Variants in U2SURP observed in about 807,000 individuals in gnomAD.
U2SURP encodes the protein U2 snRNP associated SURP domain containing.
U2SURP carries 9 observed loss-of-function variants against 144.9 expected under a neutral mutation model. That is an observed-to-expected ratio of 0.06 (90% CI 0.04 to 0.11). The LOEUF (loss-of-function observed/expected upper bound fraction) is 0.11, where lower values mean the gene tolerates loss of function less well. Among genes scored for constraint, U2SURP ranks in the 10% least tolerant of loss-of-function variants. The pLI, the probability that U2SURP is intolerant of heterozygous loss-of-function variation, is 1.00. For synonymous variants in U2SURP, 408 were observed against 396.8 expected, an observed-to-expected ratio of 1.03 and a Z score of -0.33; for missense variants, 724 against 1,226.7, an observed-to-expected ratio of 0.59 and a Z score of 6.12.
chr3:143,038,248 C>A, intron 22 of U2SURP, 45 bp downstream of exon 22: 1 of 1,370,940 alleles, frequency 7.3e-7, no homozygotes, highest in Non-Finnish European at 9.9e-7. Flanking sequence ...AGTACTTGTA[C>A]GTTAATTATT....
intron 25 of U2SURP, among the ~76,000 whole-genome samples, chr3:143,051,323 C>T (rs570101114): frequency 3.3e-5 from 5 of 152,218 alleles, no homozygotes; most frequent in African/African-American, 1.2e-4. Context: ...CTGGAAAACC[C>T]TTCAGGACAA....
At chr3:143,012,021 C>A in intron 2 of U2SURP, 1 of 697,580 alleles carries the variant, frequency 1.4e-6, no homozygotes, top group African/African-American at 1.8e-5. Context: ...AAAATTCAAG[C>A]TTGTGAGTTA....
chr3:143,019,620 C>A (rs1260482453), intron 6 of U2SURP, among the ~76,000 whole-genome samples: 1 of 152,130 alleles, frequency 6.6e-6, no homozygotes, highest in Admixed American at 6.5e-5. Flanking sequence ...AAAGAGGATT[C>A]CAAAGATGTT....
intron 24 of U2SURP, among the ~76,000 whole-genome samples, chr3:143,044,032 T>C (rs907496717): frequency 2.6e-5 from 4 of 152,024 alleles, no homozygotes; most frequent in African/African-American, 9.7e-5. Flanking sequence ...GGATTACAGG[T>C]GTCAGCCACC....
chr3:143,053,464 T>C lies in U2SURP; in HGVS notation c.2656-212T>C, dbSNP rs139030260. Among the ~76,000 whole-genome samples the C allele has an allele frequency of 1.3e-3, 194 of 152,282 alleles. 1 individual carries two copies. Among genetic ancestry groups the C allele is most frequent in the African/African-American group, 4.5e-3 (187 of 41,566 alleles). ...CTGTGGTAAGCACTCAGTAAATGTATAGCTGCTGTTGCTAGGATTAGTTTT... is the reference window on the plus strand; with the variant it reads ...CTGTGGTAAGCACTCAGTAAATGTACAGCTGCTGTTGCTAGGATTAGTTTT... On this transcript the variant is annotated intron_variant, in intron 25 of 27. Coordinates refer to ENST00000473835, the MANE Select transcript of U2SURP (RefSeq NM_001080415.2).
At chr3:143,030,223 G>A (rs1482729687) in intron 16 of U2SURP, among the ~76,000 whole-genome samples, 1 of 152,206 alleles carries the variant, frequency 6.6e-6, no homozygotes, top group African/African-American at 2.4e-5. Flanking sequence ...CTAGAGAGGG[G>A]AAGTCACTGC....
At chr3:143,054,596 T>A (rs948691656) in intron 26 of U2SURP, among the ~76,000 whole-genome samples, 3 of 152,228 alleles carry the variant, frequency 2.0e-5, no homozygotes, top group African/African-American at 7.2e-5. Context: ...TCCAACCATT[T>A]AAGAATAATT....
rs140962527 is a variant in U2SURP, at chr3:143,045,163, G to C, written c.2544+1887G>C. Reference sequence around the variant, plus strand: ...AGGCGGGTGGATCACGAGGTCAGGAGATCGAGAATATCCTGGCTAACACGG... The same window carrying C: ...AGGCGGGTGGATCACGAGGTCAGGACATCGAGAATATCCTGGCTAACACGG... On this transcript the variant is annotated intron_variant, in intron 24 of 27. Transcript: ENST00000473835. 1.5e-3 allele frequency among the ~76,000 whole-genome samples: 225 copies of C among 152,132 alleles called. 5 individuals carry two copies. In the East Asian group the frequency reaches 0.015, roughly 10 times the overall value.
At chr3:143,006,595 A>T (rs1392452017) in intron 1 of U2SURP, among the ~76,000 whole-genome samples, 1 of 152,200 alleles carries the variant, frequency 6.6e-6, no homozygotes, top group Non-Finnish European at 1.5e-5. Context: ...ATCTCTGCTG[A>T]AAATACAAAA....
At chr3:143,041,090 C>T (rs1188331334) in intron 23 of U2SURP, among the ~76,000 whole-genome samples, 1 of 151,742 alleles carries the variant, frequency 6.6e-6, no homozygotes, top group Non-Finnish European at 1.5e-5. Flanking sequence ...AAAAATTTTA[C>T]AGGCTAGAAT....
chr3:143,008,286 A>G (rs931479886), intron 1 of U2SURP, among the ~76,000 whole-genome samples: 1 of 152,260 alleles, frequency 6.6e-6, no homozygotes, highest in East Asian at 1.9e-4. Flanking sequence ...AGTTAACTAT[A>G]TGGAAATAGG....
chr3:143,032,314 G>T (rs370918978), intron 16 of U2SURP, among the ~76,000 whole-genome samples: 1 of 152,066 alleles, frequency 6.6e-6, no homozygotes, highest in Non-Finnish European at 1.5e-5. Context: ...CTTGTGATCC[G>T]CCTACCTTGG....
chr3:143,002,645 A>T (rs557879875), intron 1 of U2SURP, among the ~76,000 whole-genome samples: 1 of 152,336 alleles, frequency 6.6e-6, no homozygotes, highest in South Asian at 2.1e-4. Context: ...AGAGTGTGTG[A>T]CTGTAAATCG....
At chr3:143,039,428 A>G (rs1389958376) in intron 23 of U2SURP, among the ~76,000 whole-genome samples, 3 of 151,894 alleles carry the variant, frequency 2.0e-5, no homozygotes, top group African/African-American at 7.2e-5. Flanking sequence ...CTTTTGAAAT[A>G]TAGAGAAATA....
At chr3:143,053,441 G>C (rs181922853) in intron 25 of U2SURP, among the ~76,000 whole-genome samples, 14 of 152,178 alleles carry the variant, frequency 9.2e-5, no homozygotes, top group African/African-American at 3.1e-4. Flanking sequence ...TGTTTGGCCT[G>C]TGGTAAGCAC....
chr3:143,001,602 G>A lies in U2SURP; in HGVS notation c.-27G>A, dbSNP rs758314591. On this transcript the variant is annotated 5_prime_UTR_variant, in exon 1 of 28. Transcript: ENST00000473835. ...TGCTCGACTCGCCCGTGCTGCTGCC[G>A]CCGCCGAAGGAGGGGCAAAGCTCAA... The A allele has an allele frequency of 1.3e-5, 21 of 1,613,362 alleles. No homozygotes were observed. Among genetic ancestry groups the A allele is most frequent in the Non-Finnish European group, 2.5e-6 (3 of 1,179,734 alleles).
intron 23 of U2SURP, among the ~76,000 whole-genome samples, chr3:143,040,618 A>G (rs1391828864): frequency 6.6e-6 from 1 of 151,912 alleles, no homozygotes; most frequent in Non-Finnish European, 1.5e-5. Context: ...TGAATACTGT[A>G]TGGATTTAGA....
At chr3:143,042,374 A>G (rs902184112) in intron 23 of U2SURP, among the ~76,000 whole-genome samples, 4 of 152,166 alleles carry the variant, frequency 2.6e-5, no homozygotes, top group Non-Finnish European at 5.9e-5. Context: ...ACTCAAGCTC[A>G]TGTATTTTCT....
At chr3:143,011,078 C>T (rs1352732530) in intron 2 of U2SURP, among the ~76,000 whole-genome samples, 1 of 150,622 alleles carries the variant, frequency 6.6e-6, no homozygotes, top group African/African-American at 2.4e-5. Context: ...TGTATATTTC[C>T]TTATGATTTT....
Sources: gnomAD v4.1 joint callset for allele counts (sites outside exome capture counted in the v4.1 genomes callset) on GRCh38, gnomAD v4.1.1 for gene constraint, MANE v1.5 for transcripts, NCBI Gene and HGNC (gene_info 2026-07-23, HGNC 2026-07-21) for gene names.